The following VPS8 variants were observed in gnomAD, a reference collection of about 807,000 sequenced individuals.
The protein encoded by VPS8 is vacuolar protein sorting-associated protein 8 homolog.
In VPS8, 129 loss-of-function variants were observed where a neutral mutation model predicts 216.4. That is an observed-to-expected ratio of 0.60 (90% CI 0.52 to 0.69). The LOEUF is 0.69. VPS8 is among the 30% of genes least tolerant of loss of function. The pLI, the probability that VPS8 is intolerant of heterozygous loss-of-function variation, is 0.00. For synonymous variants in VPS8, 571 were observed against 565.4 expected (o/e 1.01, Z -0.14); for missense variants, 1,531 against 1,683.5 (o/e 0.91, Z 1.59).
At chr3:184,976,197 C>T (rs1417301370) in intron 40 of VPS8, among the ~76,000 whole-genome samples, 1 of 152,064 alleles carries the variant, frequency 6.6e-6, no homozygotes, top group Non-Finnish European at 1.5e-5. Flanking sequence ...CTTCACATAC[C>T]TACTAATTTT....
chr3:184,849,034 A>G (rs373758758), intron 8 of VPS8, 37 bp from the exon 9 acceptor site: 157 of 1,609,600 alleles, frequency 9.8e-5, no homozygotes, highest in South Asian at 1.9e-4. Flanking sequence ...ACTCTCTTGC[A>G]TTTCCTTCAC....
intron 24 of VPS8, 126 bp from the exon 25 acceptor site, chr3:184,900,795 A>G (rs75165795): frequency 0.028 from 21,868 of 784,276 alleles, 386 homozygotes; most frequent in Non-Finnish European, 0.036. Flanking sequence ...AAAGGTTTTC[A>G]TATTTAATCT....
intron 45 of VPS8, among the ~76,000 whole-genome samples, chr3:185,010,524 G>A (rs1038200279): frequency 2.2e-4 from 34 of 152,092 alleles, no homozygotes; most frequent in Non-Finnish European, 4.0e-4. Flanking sequence ...AATTGAATAC[G>A]TCAAATGGAA....
At chr3:184,951,707 G>A (rs1159032941) in intron 36 of VPS8, among the ~76,000 whole-genome samples, 1 of 152,186 alleles carries the variant, frequency 6.6e-6, no homozygotes, top group Non-Finnish European at 1.5e-5. Flanking sequence ...AGAAAGCAGT[G>A]GGTGTATTGC....
At chr3:184,830,170 G>A (rs1719687083) in intron 3 of VPS8, among the ~76,000 whole-genome samples, 1 of 151,238 alleles carries the variant, frequency 6.6e-6, no homozygotes, top group Non-Finnish European at 1.5e-5. Context: ...AATTTTTTTT[G>A]GGTGTGATAG....
intron 39 of VPS8, among the ~76,000 whole-genome samples, chr3:184,967,698 G>A (rs1416846202): frequency 3.3e-5 from 5 of 151,974 alleles, no homozygotes; most frequent in Admixed American, 2.6e-4. Flanking sequence ...TTAGTCGGGT[G>A]TGGTGGCACA....
chr3:184,958,150 G>A (rs1179796798), intron 37 of VPS8, among the ~76,000 whole-genome samples: 3 of 152,244 alleles, frequency 2.0e-5, no homozygotes, highest in East Asian at 1.9e-4. Context: ...GGAGAGATTT[G>A]GGTTAGTGGT....
At chr3:184,864,871 A>G (rs1727041927) in intron 16 of VPS8, among the ~76,000 whole-genome samples, 1 of 152,194 alleles carries the variant, frequency 6.6e-6, no homozygotes, top group Non-Finnish European at 1.5e-5. Flanking sequence ...GGAGAAAAAT[A>G]AAAACTAAAT....
chr3:184,982,946 A>T (rs559159823), intron 41 of VPS8, 66 bp from the exon 42 acceptor site: 1 of 1,387,892 alleles, frequency 7.2e-7, no homozygotes, highest in Non-Finnish European at 9.6e-7. Flanking sequence ...TTTTCCACAG[A>T]CTTATAGGAA....
chr3:184,982,267 C>T (rs531633116), intron 40 of VPS8, among the ~76,000 whole-genome samples: 1 of 152,166 alleles, frequency 6.6e-6, no homozygotes, highest in East Asian at 1.9e-4. Flanking sequence ...ACCTGCCCTC[C>T]CCTGAGACAC....
rs16859356 is a variant in VPS8 at position 184,855,815 on chromosome 3, A to G, written c.1140A>G (p.Leu380=). Residue 380 remains leucine (L), a synonymous_variant, in exon 14 of 48, where the codon CTA becomes CTG. Coordinates refer to ENST00000625842, the MANE Select transcript of VPS8 (RefSeq NM_001009921.3). ...AFCRGDVVHF[L]LVKRDESGAI... The stretch of plus-strand genomic sequence containing the variant: ...GCAGAGGAGATGTTGTTCATTTTCT[A>G]TTGGTAAGTCCTAATATGACCATTA... 4.8e-3 allele frequency: 7,785 copies of G among 1,610,680 alleles called. 312 individuals carry two copies. In the African/African-American group the frequency reaches 0.09, roughly 19 times the overall value.
chr3:184,843,175 G>A (rs1351664042), intron 7 of VPS8, 65 bp from the exon 8 acceptor site: 27 of 1,254,848 alleles, frequency 2.2e-5, no homozygotes, highest in Non-Finnish European at 2.5e-5. Flanking sequence ...CCTTTTCTTC[G>A]AACTTTTGAA....
At chr3:184,837,548 T>C (rs1005469490) in intron 5 of VPS8, among the ~76,000 whole-genome samples, 1 of 152,198 alleles carries the variant, frequency 6.6e-6, no homozygotes, top group Non-Finnish European at 1.5e-5. Flanking sequence ...CACAGACATA[T>C]ACACTCAAAG....
At chr3:185,025,663 T>C (rs1757242053) in intron 46 of VPS8, among the ~76,000 whole-genome samples, 1 of 152,236 alleles carries the variant, frequency 6.6e-6, no homozygotes, top group South Asian at 2.1e-4. Flanking sequence ...ACCATCACAC[T>C]GTAACGCAAA....
intron 43 of VPS8, 144 bp downstream of exon 43, chr3:184,994,207 T>G (rs1193697127): frequency 1.8e-6 from 1 of 564,670 alleles, no homozygotes; most frequent in African/African-American, 2.0e-5. Context: ...TGTATTTCTT[T>G]TAGTTTTTCT....
rs114823613 is a variant in VPS8 at position 184,922,035 on chromosome 3, C to T, written c.2454+1837C>T. On this transcript the variant is annotated intron_variant, in intron 29 of 47. Transcript: ENST00000625842. Reference sequence around the variant, plus strand: ...CTGTCATCCATCTCGTCATCCTACCCCACACACCTTGTATTAGGACCCTCA... The same window carrying T: ...CTGTCATCCATCTCGTCATCCTACCTCACACACCTTGTATTAGGACCCTCA... 5.9e-3 allele frequency among the ~76,000 whole-genome samples: 892 copies of T among 152,238 alleles called. 7 individuals are homozygous for T. Among genetic ancestry groups the T allele is most frequent in the African/African-American group, 0.016 (670 of 41,544 alleles).
At chr3:184,870,657 C>A in intron 20 of VPS8, 59 bp from the exon 21 acceptor site, 2 of 1,288,486 alleles carry the variant, frequency 1.6e-6, no homozygotes, top group Non-Finnish European at 2.2e-6. Flanking sequence ...GAGCCACATA[C>A]ATATTGAAAA....
At chr3:185,004,438 C>T (rs1239708775) in intron 45 of VPS8, among the ~76,000 whole-genome samples, 2 of 152,214 alleles carry the variant, frequency 1.3e-5, no homozygotes, top group Non-Finnish European at 2.9e-5. Context: ...CAGCACAGTC[C>T]AGCCTCGGCT....
chr3:185,032,928 A>C (rs1323929588), intron 46 of VPS8, among the ~76,000 whole-genome samples: 1 of 152,142 alleles, frequency 6.6e-6, no homozygotes, highest in Non-Finnish European at 1.5e-5. Flanking sequence ...GGGCCTCCCA[A>C]AGTGCTGGGA....
Sources: allele counts gnomAD v4.1 joint callset (sites outside exome capture counted in the v4.1 genomes callset), GRCh38; gene constraint gnomAD v4.1.1; transcripts MANE v1.5; gene names NCBI Gene and HGNC (gene_info 2026-07-23, HGNC 2026-07-21).